GAB3: variants seen among roughly 807,000 people sequenced by gnomAD.
GAB3 encodes the protein GRB2-associated-binding protein 3.
A neutral mutation model predicts 40.4 loss-of-function variants in GAB3; 12 were observed. The ratio of observed to expected loss-of-function variants is 0.30; its 90% confidence interval spans 0.19 to 0.48. GAB3 has a LOEUF of 0.48. GAB3 is among the 20% of genes least tolerant of loss of function. The probability of loss-of-function intolerance (pLI) is 0.99; values close to 1 mark genes in which losing one functional copy is unlikely to be tolerated. For synonymous variants in GAB3, 154 were observed against 176.7 expected (o/e 0.87, Z 1.02); for missense variants, 381 against 461.9 (o/e 0.82, Z 1.61).
chrX:154,702,163 A>G (rs1466256092), intron 4 of GAB3, among the ~76,000 whole-genome samples: 1 of 112,289 alleles, frequency 8.9e-6, no homozygotes, highest in Non-Finnish European at 1.9e-5. Flanking sequence ...AAAAACAGAC[A>G]CATAGACCAA....
chrX:154,739,333 C>A (rs1250032382), intron 1 of GAB3, among the ~76,000 whole-genome samples: 1 of 111,519 alleles, frequency 9.0e-6, no homozygotes, highest in African/African-American at 3.3e-5. Flanking sequence ...CCTAAGTGTC[C>A]ATTAATGGAT....
chrX:154,724,802 GT>G (rs1446281733), intron 1 of GAB3, among the ~76,000 whole-genome samples: 1 of 111,999 alleles, frequency 8.9e-6, no homozygotes, highest in Non-Finnish European at 1.9e-5. Context: ...TGATTACATA[GT>G]TAACAAACAT....
At chrX:154,719,435 C>T (rs138870401) in intron 1 of GAB3, among the ~76,000 whole-genome samples, 29 of 111,927 alleles carry the variant, frequency 2.6e-4, no homozygotes, top group African/African-American at 9.4e-4. Context: ...GGGAGGCTTC[C>T]AGGAAGAAGT....
chrX:154,748,971 G>A (rs1162572814), intron 1 of GAB3, among the ~76,000 whole-genome samples: 1 of 111,872 alleles, frequency 8.9e-6, no homozygotes, highest in Non-Finnish European at 1.9e-5. Context: ...TTCTTTCTGT[G>A]GTGTGTTCCA....
chrX:154,709,380 G>C (rs2070880621), intron 4 of GAB3, among the ~76,000 whole-genome samples: 1 of 106,528 alleles, frequency 9.4e-6, no homozygotes, highest in Admixed American at 1.0e-4. Flanking sequence ...GAGTGCAGTG[G>C]TGTGATCTTG....
intron 8 of GAB3, among the ~76,000 whole-genome samples, chrX:154,681,111 C>T (rs2070367650): frequency 2.7e-5 from 3 of 112,166 alleles, no homozygotes; most frequent in South Asian, 3.7e-4. Flanking sequence ...AGGGCATTTA[C>T]TTGGGAATAG....
At chrX:154,679,841 C>T (rs1289993518) in intron 9 of GAB3, among the ~76,000 whole-genome samples, 2 of 111,313 alleles carry the variant, frequency 1.8e-5, no homozygotes, top group South Asian at 3.8e-4. Flanking sequence ...GTCCTCTACC[C>T]GACCCTCATT....
At chrX:154,697,005 GATAATAA>G in intron 7 of GAB3, 120 bp downstream of exon 7, 1 of 507,454 alleles carries the variant, frequency 2.0e-6, no homozygotes, top group Middle Eastern at 5.6e-4. Context: ...TCTTGCTCTC[GATAATAA>G]ACCTCACCCC....
At chrX:154,717,651 T>C (rs782362666) in intron 1 of GAB3, among the ~76,000 whole-genome samples, 16 of 111,486 alleles carry the variant, frequency 1.4e-4, no homozygotes, top group African/African-American at 3.9e-4. Context: ...CCACTCACCA[T>C]TGACTTAGAA....
intron 1 of GAB3, among the ~76,000 whole-genome samples, chrX:154,728,977 A>G (rs1055115206): frequency 9.8e-5 from 11 of 111,695 alleles, no homozygotes; most frequent in African/African-American, 3.6e-4. Flanking sequence ...ACACATGCAC[A>G]CACATGCACG....
chrX:154,737,591 G>A (rs1365854611), intron 1 of GAB3, among the ~76,000 whole-genome samples: 1 of 111,707 alleles, frequency 9.0e-6, no homozygotes, highest in African/African-American at 3.3e-5. Flanking sequence ...TTCAAACTCG[G>A]TATGTGCCAG....
chrX:154,734,682 G>A (rs1334939123), intron 1 of GAB3, among the ~76,000 whole-genome samples: 2 of 112,034 alleles, frequency 1.8e-5, no homozygotes, highest in African/African-American at 6.5e-5. Context: ...CGCTCAGGGA[G>A]GGAGACAGAC....
At chrX:154,679,786 A>G (rs1557246411) in intron 9 of GAB3, among the ~76,000 whole-genome samples, 1 of 111,658 alleles carries the variant, frequency 9.0e-6, no homozygotes, top group Non-Finnish European at 1.9e-5. Context: ...TAACCAAACT[A>G]GACTATTACT....
chrX:154,751,286 G>A (rs1411701795), upstream of GAB3, among the ~76,000 whole-genome samples: 1 of 87,324 alleles, frequency 1.1e-5, no homozygotes, highest in Non-Finnish European at 2.2e-5. Flanking sequence ...GCTGTGCCCG[G>A]GGGGGGGGTG....
intron 1 of GAB3, among the ~76,000 whole-genome samples, chrX:154,717,563 G>T (rs1434621649): frequency 1.8e-5 from 2 of 112,168 alleles, no homozygotes; most frequent in East Asian, 2.8e-4. Context: ...ATATTCCACA[G>T]AAACCAGTGC....
intron 4 of GAB3, among the ~76,000 whole-genome samples, chrX:154,701,180 A>C (rs937541721): frequency 9.0e-6 from 1 of 111,662 alleles, no homozygotes; most frequent in African/African-American, 3.3e-5. Flanking sequence ...GAAGCCAATA[A>C]TATAACCTAT....
chrX:154,703,016 T>C (rs1306777485), intron 4 of GAB3, among the ~76,000 whole-genome samples: 1 of 112,040 alleles, frequency 8.9e-6, no homozygotes, highest in African/African-American at 3.2e-5. Flanking sequence ...GCTGGTGAGG[T>C]TGCAGAGAAA....
intron 8 of GAB3, among the ~76,000 whole-genome samples, chrX:154,686,014 T>A (rs1156879620): frequency 9.0e-6 from 1 of 111,498 alleles, no homozygotes; most frequent in Admixed American, 9.5e-5. Flanking sequence ...ATTAAAGAAA[T>A]TGAATTCACC....
In GAB3 at chrX:154,707,092, G is replaced by A. The variant is rs782769154; in HGVS notation, c.1069+5137C>T. Among the ~76,000 whole-genome samples, 8 of 111,400 alleles carry A rather than the reference G, an allele frequency of 7.2e-5. No homozygotes were observed. In the East Asian group the frequency reaches 1.7e-3, roughly 23 times the overall value. On this transcript the variant is annotated intron_variant, in intron 4 of 9. Coordinates refer to ENST00000424127, the MANE Select transcript of GAB3 (RefSeq NM_001081573.3). ...CAGAAATAAATCCATATTTTATGAC[G>A]TCAGCATAACATTTTTACCAAAACC...
Sources: gnomAD v4.1 joint callset for allele counts (sites outside exome capture counted in the v4.1 genomes callset) on GRCh38, gnomAD v4.1.1 for gene constraint, MANE v1.5 for transcripts, NCBI Gene and HGNC (gene_info 2026-07-23, HGNC 2026-07-21) for gene names.